Variants in TESK2 observed in about 807,000 individuals in gnomAD.
TESK2 encodes the protein testis associated actin remodelling kinase 2, also known as dual specificity testis-specific protein kinase 2.
TESK2 carries 39 observed loss-of-function variants against 57.1 expected under a neutral mutation model. That is an observed-to-expected ratio of 0.68 (90% CI 0.53 to 0.89). The LOEUF (loss-of-function observed/expected upper bound fraction) is 0.89, where lower values mean the gene tolerates loss of function less well. Ranked by LOEUF, TESK2 falls within the 40% of genes least tolerant of loss-of-function variation. The probability of loss-of-function intolerance (pLI) is 0.00; values close to 1 mark genes in which losing one functional copy is unlikely to be tolerated. For missense variants in TESK2, 646 were observed against 732.1 expected (o/e 0.88, Z 1.36); for synonymous variants, 249 against 267.9 (o/e 0.93, Z 0.69).
intron 3 of TESK2, among the ~76,000 whole-genome samples, chr1:45,399,379 A>T (rs1051416989): frequency 2.0e-5 from 3 of 151,726 alleles, no homozygotes; most frequent in African/African-American, 7.3e-5. Context: ...AAGTGGCATG[A>T]TCTCAGCTCA....
In TESK2 at chr1:45,370,612, T is replaced by C. The variant is rs571890583; in HGVS notation, c.394-15163A>G. Among the ~76,000 whole-genome samples the C allele has an allele frequency of 2.1e-4, 32 of 152,092 alleles. No homozygotes were observed. In the East Asian group the frequency reaches 3.7e-3, roughly 17 times the overall value. ...ATCAGAAAAGGCTTCCCAGAGAAAA[T>C]GAATTCTAAGCTGGGGCCTGAGGAA... On this transcript the variant is annotated intron_variant, in intron 4 of 10. Coordinates refer to ENST00000372086, the MANE Select transcript of TESK2 (RefSeq NM_007170.3).
At chr1:45,429,509 T>C (rs796178570) in intron 2 of TESK2, among the ~76,000 whole-genome samples, 49 of 152,236 alleles carry the variant, frequency 3.2e-4, no homozygotes, top group African/African-American at 1.2e-3. Flanking sequence ...ATCTAATCCT[T>C]CCTCAAAGAC....
chr1:45,375,752 G>A (rs1426187193), intron 4 of TESK2, among the ~76,000 whole-genome samples: 2 of 151,854 alleles, frequency 1.3e-5, no homozygotes, highest in Non-Finnish European at 2.9e-5. Flanking sequence ...ATAAAATAAA[G>A]TTAAACTTAA....
intron 1 of TESK2, among the ~76,000 whole-genome samples, chr1:45,483,248 T>A (rs1448461422): frequency 1.4e-5 from 2 of 147,748 alleles, no homozygotes; most frequent in Non-Finnish European, 3.0e-5. Flanking sequence ...ACCACTGCAC[T>A]CCAGCCTGGA....
At chr1:45,379,485 T>G (rs1027041678) in intron 4 of TESK2, among the ~76,000 whole-genome samples, 13 of 152,276 alleles carry the variant, frequency 8.5e-5, no homozygotes, top group African/African-American at 3.1e-4. Flanking sequence ...CTCATTTTTA[T>G]AAATAACGCA....
chr1:45,409,522 A>G (rs1217033858), intron 3 of TESK2, among the ~76,000 whole-genome samples: 1 of 152,234 alleles, frequency 6.6e-6, no homozygotes, highest in East Asian at 1.9e-4. Flanking sequence ...GAAGAATGAC[A>G]AAAAGCTGTA....
At chr1:45,358,585 C>T (rs1419210246) in intron 4 of TESK2, among the ~76,000 whole-genome samples, 1 of 151,828 alleles carries the variant, frequency 6.6e-6, no homozygotes, top group East Asian at 1.9e-4. Context: ...CATATATTAT[C>T]TCATTTAATC....
intron 4 of TESK2, among the ~76,000 whole-genome samples, chr1:45,366,299 C>G (rs1378184510): frequency 6.6e-6 from 1 of 152,110 alleles, no homozygotes; most frequent in African/African-American, 2.4e-5. Flanking sequence ...TGTTGGCCAG[C>G]TGGTCTCAAA....
chr1:45,345,158 T>C lies in TESK2; in HGVS notation c.1398A>G (p.Gln466=). 1.2e-6 allele frequency: 2 copies of C among 1,614,192 alleles called. No individual in the cohort carries two copies. The highest frequency in any genetic ancestry group is 8.5e-7 in the Non-Finnish European group (1 of 1,180,026). ...CCCGGCCCACAAATGGACAAGCCTC[T>C]TGATGCAAGAACTCAGGCGAACCAG... is the stretch of plus-strand genomic sequence containing the variant. The part of the protein sequence containing the change: ...SLPGSPEFLH[Q]EACPFVGREE... Residue 466 remains glutamine (Q), a synonymous_variant, in exon 11 of 11, where the codon CAA becomes CAG. Transcript: ENST00000372086.
At chr1:45,358,171 G>A (rs959959156) in intron 4 of TESK2, among the ~76,000 whole-genome samples, 3 of 151,724 alleles carry the variant, frequency 2.0e-5, no homozygotes, top group Non-Finnish European at 4.4e-5. Flanking sequence ...AAATTAGCCG[G>A]GCGTGGTTGC....
rs566363776 is a variant in TESK2 at position 45,452,032 on chromosome 1, C to CAA, written c.222+5530_222+5531dup. ...TGGGAGACAGAACAAGACTCCGTCT[C>CAA]AAAAAAAAAAAAAAATTTATTTGGT... On this transcript the variant is annotated intron_variant, in intron 2 of 10. Transcript: ENST00000372086. Among the ~76,000 whole-genome samples, 14 of 103,852 alleles carry CAA rather than the reference C, an allele frequency of 1.3e-4. 1 individual carries two copies. The highest frequency in any genetic ancestry group is 2.1e-4 in the African/African-American group (5 of 23,650). 68.1% of individuals were successfully genotyped at this position (103,852 alleles called of 152,430 possible).
chr1:45,348,129 A>C, intron 5 of TESK2, 129 bp from the exon 6 acceptor site: 1 of 687,202 alleles, frequency 1.5e-6, no homozygotes. Context: ...ACCGCACTCA[A>C]GCTGACCCCA....
chr1:45,475,546 G>A (rs527415080), intron 1 of TESK2, among the ~76,000 whole-genome samples: 1 of 152,266 alleles, frequency 6.6e-6, no homozygotes, highest in South Asian at 2.1e-4. Context: ...AATGACAGTT[G>A]CTATCAGTAC....
chr1:45,414,104 C>T (rs751424488), intron 3 of TESK2, among the ~76,000 whole-genome samples: 6 of 152,196 alleles, frequency 3.9e-5, no homozygotes, highest in East Asian at 1.9e-4. Flanking sequence ...CATTAATACT[C>T]GTCTGGGTAA....
intron 4 of TESK2, among the ~76,000 whole-genome samples, chr1:45,355,896 T>C (rs1358521185): frequency 6.6e-6 from 1 of 152,160 alleles, no homozygotes; most frequent in East Asian, 1.9e-4. Context: ...TTTACTTCGA[T>C]ATGGCCAGAG....
intron 4 of TESK2, among the ~76,000 whole-genome samples, chr1:45,376,382 A>T (rs1242880184): frequency 7.0e-6 from 1 of 142,126 alleles, no homozygotes; most frequent in Non-Finnish European, 1.5e-5. Flanking sequence ...CGTCTGGCTA[A>T]TTTTTTTTTT....
chr1:45,345,885 G>A lies in TESK2; in HGVS notation c.989C>T (p.Thr330Ile). The A allele has an allele frequency of 6.2e-7, 1 of 1,613,678 alleles. No homozygotes were observed. The highest frequency in any genetic ancestry group is 8.5e-7 in the Non-Finnish European group (1 of 1,179,722). The change falls in exon 10 of 11, where the codon ACA (threonine) becomes ATA (isoleucine). Residue 330 changes from threonine to isoleucine, a missense_variant. Coordinates refer to ENST00000372086, the MANE Select transcript of TESK2 (RefSeq NM_007170.3). ...EQERDRKLQP[T>I]ARGLLEKAPG... ...CTGGTCTAATCTCTTACCCCTGGCT[G>A]TGGGCTGCAGCTTCCTATCCCTCTC...
intron 1 of TESK2, among the ~76,000 whole-genome samples, chr1:45,479,825 T>C (rs1031525759): frequency 1.4e-5 from 2 of 140,220 alleles, no homozygotes; most frequent in Admixed American, 7.2e-5. Context: ...TTTTTTTTTT[T>C]TTTTTTTTTT....
chr1:45,356,983 C>G (rs552789183), intron 4 of TESK2, among the ~76,000 whole-genome samples: 2 of 152,086 alleles, frequency 1.3e-5, no homozygotes, highest in Admixed American at 1.3e-4. Flanking sequence ...CACCTGACAT[C>G]AGGAGTTCAA....
Sources: gnomAD v4.1 joint callset for allele counts (sites outside exome capture counted in the v4.1 genomes callset) on GRCh38, gnomAD v4.1.1 for gene constraint, MANE v1.5 for transcripts, NCBI Gene and HGNC (gene_info 2026-07-23, HGNC 2026-07-21) for gene names.